The following FHL2 variants were observed in gnomAD, a reference collection of about 807,000 sequenced individuals.
FHL2 encodes the protein four and a half LIM domains 2, also known as four and a half LIM domains protein 2.
Under a neutral mutation model 32.7 loss-of-function variants are expected in FHL2, and 20 were observed. That is an observed-to-expected ratio of 0.61 (90% CI 0.43 to 0.89). The LOEUF is 0.89. Among genes scored for constraint, FHL2 ranks in the 40% least tolerant of loss-of-function variants. The pLI is 0.00. For synonymous variants in FHL2, 123 were observed against 128.1 expected (o/e 0.96, Z 0.27); for missense variants, 311 against 358.6 (o/e 0.87, Z 1.07).
At chr2:105,370,272 G>C (rs1366656260) in intron 4 of FHL2, among the ~76,000 whole-genome samples, 2 of 152,082 alleles carry the variant, frequency 1.3e-5, no homozygotes, top group Non-Finnish European at 2.9e-5. Flanking sequence ...ACACGTAGGA[G>C]GCTGAGGTGG....
intron 3 of FHL2, chr2:105,378,355 C>CA (rs1681629633): frequency 2.7e-6 from 1 of 372,962 alleles, no homozygotes; most frequent in Non-Finnish European, 5.3e-6. Flanking sequence ...CCTGTCCCCC[C>CA]ACACCCTGCT....
Position 105,425,736 on chromosome 2 carries a change from C to T in FHL2, c.-25+12663G>A, listed in dbSNP as rs556962883. 4.0e-5 allele frequency among the ~76,000 whole-genome samples: 6 copies of T among 151,776 alleles called. No individual in the cohort carries two copies. The East Asian group carries it at 7.7e-4, about 20-fold the overall frequency. ...GAAACATAAATCTGGCTTACGTGCA[C>T]GTCCAGTCATAGTACCTTCCCTTGA... On this transcript the variant is annotated intron_variant, in intron 1 of 5. Transcript: ENST00000393352.
At chr2:105,366,273 C>T (rs956212818) in intron 5 of FHL2, among the ~76,000 whole-genome samples, 4 of 152,056 alleles carry the variant, frequency 2.6e-5, no homozygotes, top group Non-Finnish European at 4.4e-5. Flanking sequence ...GAATACTCAG[C>T]ACTTAGAAAA....
At chr2:105,368,442 C>T (rs746278595) in intron 4 of FHL2, among the ~76,000 whole-genome samples, 43 of 152,308 alleles carry the variant, frequency 2.8e-4, no homozygotes, top group Non-Finnish European at 5.7e-4. Context: ...AGGGAAACTC[C>T]TGCCTCAACC....
At chr2:105,390,993 A>C (rs56278511) in intron 2 of FHL2, among the ~76,000 whole-genome samples, 1 of 150,030 alleles carries the variant, frequency 6.7e-6, no homozygotes, top group Admixed American at 6.6e-5. Context: ...GTGTGTGTGT[A>C]TGTGTATTTT....
chr2:105,373,587 G>A lies in FHL2; in HGVS notation c.303C>T (p.Cys101=). 1 of 1,614,228 alleles carries A rather than the reference G, an allele frequency of 6.2e-7. No individual in the cohort carries two copies. Among genetic ancestry groups the A allele is most frequent in the Non-Finnish European group, 8.5e-7 (1 of 1,180,044 alleles). Residue 101 remains cysteine (C), a synonymous_variant, in exon 4 of 7, where the codon TGC becomes TGT. Coordinates refer to ENST00000530340, the MANE Select transcript of FHL2 (RefSeq NM_001318895.3). ...DCYSNEYSSK[C]QECKKTIMPG... is the part of the protein sequence containing the mutation. Reference sequence around the variant, plus strand: ...GCATGATGGTCTTCTTGCATTCCTGGCACTTGGATGAGTACTCGTTGGAAT... The same window carrying A: ...GCATGATGGTCTTCTTGCATTCCTGACACTTGGATGAGTACTCGTTGGAAT...
intron 5 of FHL2, among the ~76,000 whole-genome samples, chr2:105,365,674 C>CCAA (rs771466104): frequency 2.8e-5 from 2 of 71,648 alleles, no homozygotes; most frequent in African/African-American, 5.5e-5. Context: ...GTCTCTACTA[C>CCAA]AAAAAAAAAA....
chr2:105,359,698 T>G (rs1680142796), downstream of FHL2: 1 of 152,212 alleles, frequency 6.6e-6, no homozygotes, highest in Non-Finnish European at 1.5e-5. Flanking sequence ...GAATGTTATT[T>G]TTACTGTAAT....
intron 2 of FHL2, among the ~76,000 whole-genome samples, chr2:105,391,368 G>T (rs954238027): frequency 6.6e-6 from 1 of 152,182 alleles, no homozygotes; most frequent in Admixed American, 6.5e-5. Flanking sequence ...CGCAGAGGAG[G>T]AGCCCCTGAG....
chr2:105,430,491 A>T (rs1684397811), intron 1 of FHL2, among the ~76,000 whole-genome samples: 1 of 152,142 alleles, frequency 6.6e-6, no homozygotes, highest in Non-Finnish European at 1.5e-5. Flanking sequence ...ACATGGTGTA[A>T]CCTCGTCTCT....
At position 105,363,405 on chromosome 2, in the gene FHL2, C is replaced by T. The variant is rs1279971079; in HGVS notation, c.568G>A (p.Ala190Thr). ...PWHKECFVCTACRKQLSGQRF... is the reference protein window; with the variant it reads ...PWHKECFVCTTCRKQLSGQRF... Reference sequence around the variant, plus strand: ...TGCCCAGACAGCTGCTTCCTGCAGGCGGTGCACACGAAGCACTCCTTGTGC... The same window carrying T: ...TGCCCAGACAGCTGCTTCCTGCAGGTGGTGCACACGAAGCACTCCTTGTGC... Residue 190 changes from alanine to threonine, a missense_variant, in exon 6 of 7, where the codon GCC becomes ACC. By Grantham distance (58) the Ala-to-Thr change is moderately conservative. Transcript: ENST00000530340. 4 of 1,613,486 alleles carry T rather than the reference C, an allele frequency of 2.5e-6. No homozygotes were observed.
chr2:105,372,375 G>A (rs920456658), intron 4 of FHL2, among the ~76,000 whole-genome samples: 1 of 151,182 alleles, frequency 6.6e-6, no homozygotes, highest in African/African-American at 2.4e-5. Flanking sequence ...ACAGACGCCC[G>A]CCACTATGCC....
upstream of FHL2, among the ~76,000 whole-genome samples, chr2:105,402,366 C>A (rs1683502634): frequency 6.6e-6 from 1 of 151,966 alleles, no homozygotes; most frequent in Non-Finnish European, 1.5e-5. Context: ...CCTGCCTCAG[C>A]CTCCTGAGTA....
Position 105,399,030 on chromosome 2 carries a change from G to A in FHL2, c.-264C>T. ...TGGAGGGCGCGGGCGGCTGGTGGCTGCGGCTCCGCTGCCGGCCGAGTGGAG... is the reference window on the plus strand; with the variant it reads ...TGGAGGGCGCGGGCGGCTGGTGGCTACGGCTCCGCTGCCGGCCGAGTGGAG... On this transcript the variant is annotated 5_prime_UTR_variant, in exon 1 of 7. Transcript: ENST00000530340. 6.7e-7 allele frequency: 1 copy of A among 1,495,358 alleles called. No individual in the cohort carries two copies. Among genetic ancestry groups the A allele is most frequent in the Non-Finnish European group, 8.9e-7 (1 of 1,125,276 alleles). 92.6% of individuals were successfully genotyped at this position (1,495,358 alleles called of 1,614,324 possible).
chr2:105,434,028 A>G (rs572026243), intron 1 of FHL2, among the ~76,000 whole-genome samples: 280 of 152,262 alleles, frequency 1.8e-3, no homozygotes, highest in African/African-American at 6.4e-3. Flanking sequence ...ATCACTTTCC[A>G]TCTCCATATT....
upstream of FHL2, among the ~76,000 whole-genome samples, chr2:105,402,883 C>T (rs551739142): frequency 6.6e-6 from 1 of 152,328 alleles, no homozygotes; most frequent in Admixed American, 6.5e-5. Flanking sequence ...TGACAGATCA[C>T]AGAATTGTTT....
intron 1 of FHL2, among the ~76,000 whole-genome samples, chr2:105,421,243 A>G (rs1486484719): frequency 6.6e-6 from 1 of 152,218 alleles, no homozygotes; most frequent in Non-Finnish European, 1.5e-5. Context: ...AATGTCTGGG[A>G]CAGAGTCCAC....
At chr2:105,433,479 G>C (rs1404587777) in intron 1 of FHL2, among the ~76,000 whole-genome samples, 1 of 152,188 alleles carries the variant, frequency 6.6e-6, no homozygotes, top group East Asian at 1.9e-4. Flanking sequence ...ACCGCGCCCG[G>C]CTTCATTTTT....
downstream of FHL2, chr2:105,358,031 T>A (rs1262331035): frequency 6.6e-6 from 1 of 152,236 alleles, no homozygotes; most frequent in Non-Finnish European, 1.5e-5. Flanking sequence ...ACCTCAAGGA[T>A]AAACCAGATT....
Sources: gnomAD v4.1 joint callset for allele counts (sites outside exome capture counted in the v4.1 genomes callset) on GRCh38, gnomAD v4.1.1 for gene constraint, MANE v1.5 for transcripts, NCBI Gene and HGNC (gene_info 2026-07-23, HGNC 2026-07-21) for gene names.